ETV1: variants seen among roughly 807,000 people sequenced by gnomAD.
ETV1 encodes the protein ETS variant transcription factor 1.
A neutral mutation model predicts 62.3 loss-of-function variants in ETV1; 27 were observed. The ratio of observed to expected loss-of-function variants is 0.43; its 90% CI spans 0.32 to 0.60. The LOEUF (loss-of-function observed/expected upper bound fraction) is 0.60, where lower values mean the gene tolerates loss of function less well. ETV1 is among the 20% of genes least tolerant of loss of function. ETV1 has a pLI of 0.06. For missense variants in ETV1, 605 were observed against 605.8 expected (o/e 1.00, Z 0.01); for synonymous variants, 222 against 199.6 (o/e 1.11, Z -0.94).
At chr7:13,941,901 A>AG (rs1049376801) in intron 6 of ETV1, among the ~76,000 whole-genome samples, 10 of 134,224 alleles carry the variant, frequency 7.5e-5, no homozygotes, top group Non-Finnish European at 1.3e-4. Flanking sequence ...AAATAAATAA[A>AG]TAAATAAAGT....
chr7:13,894,368 A>C lies in ETV1; in HGVS notation c.*1498T>G, dbSNP rs1281513086. The C allele has an allele frequency of 4.3e-6, 1 of 232,722 alleles. No homozygotes were observed. Among genetic ancestry groups the C allele is most frequent in the Non-Finnish European group, 8.5e-6 (1 of 117,572 alleles). 14.4% of individuals were successfully genotyped at this position (232,722 alleles called of 1,614,324 possible). A position where few individuals can be genotyped will look rare whatever the true frequency, so the allele number is the denominator to read the frequency against. Reference sequence around the variant, plus strand: ...TTCTCCAAATGCAAAGCAAAAACAGAACAAAAAACTTTGAAACTTTAAATC... The same window carrying C: ...TTCTCCAAATGCAAAGCAAAAACAGCACAAAAAACTTTGAAACTTTAAATC... On this transcript the variant is annotated 3_prime_UTR_variant, in exon 14 of 14. Coordinates refer to ENST00000430479, the MANE Select transcript of ETV1 (RefSeq NM_004956.5).
chr7:13,897,042 A>C (rs892250258), intron 13 of ETV1, among the ~76,000 whole-genome samples: 1 of 152,314 alleles, frequency 6.6e-6, no homozygotes, highest in South Asian at 2.1e-4. Context: ...GACATACCCC[A>C]AACTTAAATT....
chr7:13,983,973 T>A (rs1288228307), intron 5 of ETV1, among the ~76,000 whole-genome samples: 1 of 151,720 alleles, frequency 6.6e-6, no homozygotes, highest in Admixed American at 6.6e-5. Flanking sequence ...CCATGACTAA[T>A]CCATATGTTG....
At chr7:13,930,860 G>A (rs959427028) in intron 9 of ETV1, among the ~76,000 whole-genome samples, 1 of 151,856 alleles carries the variant, frequency 6.6e-6, no homozygotes, top group Non-Finnish European at 1.5e-5. Context: ...GAGTGCAGTG[G>A]TGCGATCTCG....
At chr7:13,957,211 A>G (rs977831432) in intron 6 of ETV1, among the ~76,000 whole-genome samples, 2 of 151,924 alleles carry the variant, frequency 1.3e-5, no homozygotes, top group Admixed American at 6.6e-5. Context: ...TCAGCCTCCC[A>G]AGTAGCTGGG....
At position 13,895,388 on chromosome 7, in the gene ETV1, G is replaced by T. The variant is rs756393569; in HGVS notation, c.*478C>A. 35 of 235,518 alleles carry T rather than the reference G, an allele frequency of 1.5e-4. No homozygotes were observed. Among genetic ancestry groups the T allele is most frequent in the South Asian group, 5.3e-4 (3 of 5,636 alleles). 14.6% of individuals were successfully genotyped at this position (235,518 alleles called of 1,614,324 possible). A position where few individuals can be genotyped will look rare whatever the true frequency, so the allele number is the denominator to read the frequency against. On this transcript the variant is annotated 3_prime_UTR_variant, in exon 14 of 14. Transcript: ENST00000430479. ...AAACTGCCATTTACAGTAGATTGGGGTTTTTTTGTACACCTGCAGAGACTC... is the reference window on the plus strand; with the variant it reads ...AAACTGCCATTTACAGTAGATTGGGTTTTTTTTGTACACCTGCAGAGACTC...
intron 6 of ETV1, among the ~76,000 whole-genome samples, chr7:13,956,512 A>G (rs1204873875): frequency 6.6e-5 from 10 of 152,228 alleles, no homozygotes; most frequent in Non-Finnish European, 1.5e-4. Flanking sequence ...TGTCATGGCA[A>G]CATTCCAATG....
In ETV1 at chr7:13,963,725, A is replaced by T. The variant is rs553807164; in HGVS notation, c.235+13702T>A. Among the ~76,000 whole-genome samples, 7 of 152,282 alleles carry T rather than the reference A, an allele frequency of 4.6e-5. No homozygotes were observed. The East Asian group carries it at 1.3e-3, about 29-fold the overall frequency. On this transcript the variant is annotated intron_variant, in intron 6 of 13. Coordinates refer to ENST00000430479, the MANE Select transcript of ETV1 (RefSeq NM_004956.5). Reference sequence around the variant, plus strand: ...TACGTACACATAAATTCATATGTCCATCTCTACATAAGACCTATAAATAAG... The same window carrying T: ...TACGTACACATAAATTCATATGTCCTTCTCTACATAAGACCTATAAATAAG...
chr7:13,931,792 G>T (rs761251580), intron 8 of ETV1, 43 bp from the exon 9 acceptor site: 2 of 1,601,386 alleles, frequency 1.2e-6, no homozygotes, highest in Admixed American at 3.4e-5. Flanking sequence ...CGGTAACATG[G>T]AACATTCTTT....
intron 6 of ETV1, among the ~76,000 whole-genome samples, chr7:13,959,810 G>A (rs1490600572): frequency 3.4e-5 from 5 of 147,510 alleles, no homozygotes; most frequent in Non-Finnish European, 7.4e-5. Context: ...TGGAACCTGG[G>A]AGGCAGAGGT....
rs1327253400 is a variant in ETV1 at position 13,895,502 on chromosome 7, T to A, written c.*364A>T. 1 of 269,324 alleles carries A rather than the reference T, an allele frequency of 3.7e-6. No homozygotes were observed. The highest frequency in any genetic ancestry group is 2.1e-5 in the African/African-American group (1 of 46,606). 16.7% of individuals were successfully genotyped at this position (269,324 alleles called of 1,614,324 possible). ...ATTAACTGTACCATAGATACCCCGA[T>A]AAAATAAACATTATCTTATGTTGTT... On this transcript the variant is annotated 3_prime_UTR_variant, in exon 14 of 14. Transcript: ENST00000430479.
intron 6 of ETV1, among the ~76,000 whole-genome samples, chr7:13,960,006 AACCT>A: frequency 6.6e-6 from 1 of 151,916 alleles, no homozygotes; most frequent in Non-Finnish European, 1.5e-5. Context: ...GTGCATAGAC[AACCT>A]ACCACATAAA....
chr7:13,930,885 C>T (rs1223358542), intron 9 of ETV1, among the ~76,000 whole-genome samples: 2 of 151,884 alleles, frequency 1.3e-5, no homozygotes, highest in Admixed American at 6.6e-5. Context: ...ACTGCAACCT[C>T]TGCCTCCCGG....
intron 6 of ETV1, among the ~76,000 whole-genome samples, chr7:13,952,502 C>T (rs916284148): frequency 4.6e-5 from 7 of 152,088 alleles, no homozygotes; most frequent in Non-Finnish European, 1.0e-4. Context: ...AATGGCAACC[C>T]TTAATCACCA....
intron 5 of ETV1, among the ~76,000 whole-genome samples, chr7:13,981,992 C>T (rs1040993060): frequency 5.3e-5 from 8 of 152,028 alleles, no homozygotes; most frequent in African/African-American, 1.9e-4. Context: ...AATGTAAAAG[C>T]ATTAATTATG....
intron 8 of ETV1, among the ~76,000 whole-genome samples, chr7:13,932,473 A>AC (rs1198116679): frequency 1.3e-5 from 2 of 152,224 alleles, no homozygotes; most frequent in African/African-American, 4.8e-5. Flanking sequence ...GCATAAATGC[A>AC]CAGCTGATCT....
At chr7:13,986,004 G>T in intron 5 of ETV1, 1 of 851,910 alleles carries the variant, frequency 1.2e-6, no homozygotes, top group Non-Finnish European at 1.8e-6. Flanking sequence ...AAATAGCAAA[G>T]GTCAATTTCA....
chr7:13,984,907 A>G (rs1484873151), intron 5 of ETV1, among the ~76,000 whole-genome samples: 1 of 101,996 alleles, frequency 9.8e-6, no homozygotes, highest in Non-Finnish European at 2.1e-5. Context: ...GCTACAAGAC[A>G]CAAAACAAGT....
intron 6 of ETV1, among the ~76,000 whole-genome samples, chr7:13,967,735 A>T (rs904166400): frequency 1.4e-4 from 22 of 151,906 alleles, no homozygotes; most frequent in Non-Finnish European, 2.9e-4. Flanking sequence ...CCCATAACAA[A>T]CACTAAGCAT....
Sources: allele counts gnomAD v4.1 joint callset (sites outside exome capture counted in the v4.1 genomes callset), GRCh38; gene constraint gnomAD v4.1.1; transcripts MANE v1.5; gene names NCBI Gene and HGNC (gene_info 2026-07-23, HGNC 2026-07-21).